DLGAP1: variants seen among roughly 807,000 people sequenced by gnomAD.
DLGAP1 encodes the protein disks large-associated protein 1.
Under a neutral mutation model 90.8 loss-of-function variants are expected in DLGAP1, and 11 were observed. The ratio of observed to expected loss-of-function variants is 0.12; its 90% CI spans 0.08 to 0.20. The LOEUF (loss-of-function observed/expected upper bound fraction) is 0.20. Among genes scored for constraint, DLGAP1 ranks in the 10% least tolerant of loss-of-function variants. The pLI is 1.00. For missense variants in DLGAP1, 1,050 were observed against 1,333.8 expected (o/e 0.79, Z 3.31); for synonymous variants, 558 against 540.7 (o/e 1.03, Z -0.44).
chr18:3,909,425 C>T (rs2071984182), intron 3 of DLGAP1, among the ~76,000 whole-genome samples: 1 of 152,180 alleles, frequency 6.6e-6, no homozygotes, highest in African/African-American at 2.4e-5. Context: ...GAACCATTAA[C>T]TGCAATTTGT....
intron 5 of DLGAP1, among the ~76,000 whole-genome samples, chr18:3,769,795 A>G (rs1329343026): frequency 8.6e-5 from 13 of 151,842 alleles, no homozygotes. Flanking sequence ...ACCAGTGTCA[A>G]TATCCTCTTT....
chr18:3,775,289 C>A lies in DLGAP1; in HGVS notation c.1173-32777G>T, dbSNP rs186060290. ...TATGGTTTGGCTTTGTGTCCCCACA[C>A]AAATCTCATGTCAAATTGTCATCCT... On this transcript the variant is annotated intron_variant, in intron 5 of 12. Coordinates refer to ENST00000315677, the MANE Select transcript of DLGAP1 (RefSeq NM_004746.4). This position sits in a 1 kb window ranked among gnomAD's most constrained non-coding sequence, Gnocchi z 4.9. Among the ~76,000 whole-genome samples, 37 of 152,330 alleles carry A rather than the reference C, an allele frequency of 2.4e-4. 1 individual carries two copies. In the East Asian group the frequency reaches 6.8e-3, roughly 28 times the overall value.
chr18:3,943,323 C>T (rs1344761090), intron 3 of DLGAP1, among the ~76,000 whole-genome samples: 1 of 152,200 alleles, frequency 6.6e-6, no homozygotes, highest in South Asian at 2.1e-4. Context: ...CTTCACAGAT[C>T]GCCAGGCTTT....
At chr18:3,759,635 T>C (rs1043528570) in intron 5 of DLGAP1, among the ~76,000 whole-genome samples, 2 of 152,218 alleles carry the variant, frequency 1.3e-5, no homozygotes, top group African/African-American at 4.8e-5. Context: ...CTGGATGTCA[T>C]GGAGGACATG....
At chr18:3,720,583 G>A (rs2061936863) in intron 7 of DLGAP1, among the ~76,000 whole-genome samples, 1 of 152,160 alleles carries the variant, frequency 6.6e-6, no homozygotes, top group Non-Finnish European at 1.5e-5. Context: ...ACCACCTGGA[G>A]CTGAATAATG....
chr18:4,040,583 A>C (rs1224493998), intron 2 of DLGAP1, among the ~76,000 whole-genome samples: 1 of 152,162 alleles, frequency 6.6e-6, no homozygotes, highest in African/African-American at 2.4e-5. Flanking sequence ...TTTCTTTGCT[A>C]TCTCTTTTTT....
intron 7 of DLGAP1, among the ~76,000 whole-genome samples, chr18:3,602,341 A>T (rs1373808524): frequency 2.6e-5 from 4 of 152,174 alleles, no homozygotes; most frequent in Non-Finnish European, 4.4e-5. Flanking sequence ...CACGCCTGTC[A>T]TCCCAGCAAT....
intron 1 of DLGAP1, among the ~76,000 whole-genome samples, chr18:4,339,820 C>T (rs1490799782): frequency 6.6e-6 from 1 of 152,082 alleles, no homozygotes; most frequent in Non-Finnish European, 1.5e-5. Flanking sequence ...TGAAAAAGCA[C>T]AAATTCTTGC....
intron 3 of DLGAP1, among the ~76,000 whole-genome samples, chr18:3,926,417 T>TAC (rs767794758): frequency 4.1e-5 from 5 of 121,552 alleles, no homozygotes; most frequent in African/African-American, 8.5e-5. Flanking sequence ...TATATATATA[T>TAC]ATATACACAC....
chr18:3,934,876 C>T (rs1342233545), intron 3 of DLGAP1, among the ~76,000 whole-genome samples: 2 of 152,172 alleles, frequency 1.3e-5, no homozygotes, highest in Admixed American at 6.5e-5. Context: ...AAAAGAAGCA[C>T]GAGGCAGTGT....
intron 1 of DLGAP1, among the ~76,000 whole-genome samples, chr18:4,440,957 T>C (rs183573980): frequency 2.2e-4 from 33 of 152,366 alleles, no homozygotes; most frequent in Admixed American, 1.8e-3. Flanking sequence ...AATGTCTACT[T>C]AAATAGACTG....
intron 1 of DLGAP1, among the ~76,000 whole-genome samples, chr18:4,358,329 AT>A (rs2144070732): frequency 1.3e-5 from 2 of 152,342 alleles, no homozygotes; most frequent in South Asian, 4.1e-4. Flanking sequence ...CTGTGGTGAC[AT>A]TTGAGCACAA....
At chr18:3,619,413 C>G (rs1847493610) in intron 7 of DLGAP1, among the ~76,000 whole-genome samples, 1 of 152,194 alleles carries the variant, frequency 6.6e-6, no homozygotes, top group South Asian at 2.1e-4. Context: ...CGCTGCTGAC[C>G]TGCAAGTCTA....
At position 3,642,759 on chromosome 18, in the gene DLGAP1, C is replaced by CTAACATAT. The variant is rs1567885771; in HGVS notation, c.1592-60512_1592-60511insATATGTTA. ...AAATGTTAGCTCTTTGTATCATAAG[C>CTAACATAT]CTTCATATCTTCTTGATAAGATACA... On this transcript the variant is annotated intron_variant, in intron 7 of 12. Transcript: ENST00000315677. Among the ~76,000 whole-genome samples, 46 of 152,142 alleles carry CTAACATAT rather than the reference C, an allele frequency of 3.0e-4. 1 individual carries two copies. Among genetic ancestry groups the CTAACATAT allele is most frequent in the Non-Finnish European group, 6.0e-4 (41 of 68,040 alleles).
At chr18:3,720,178 A>T (rs559861525) in intron 7 of DLGAP1, among the ~76,000 whole-genome samples, 5 of 152,326 alleles carry the variant, frequency 3.3e-5, no homozygotes, top group Non-Finnish European at 7.3e-5. Flanking sequence ...CATATATTAG[A>T]GATAACTTAG....
intron 1 of DLGAP1, among the ~76,000 whole-genome samples, chr18:4,355,499 C>T (rs1464381500): frequency 3.9e-5 from 6 of 152,134 alleles, no homozygotes; most frequent in Non-Finnish European, 5.9e-5. Flanking sequence ...CACATAGTTA[C>T]GGAAGGTTCT....
intron 1 of DLGAP1, among the ~76,000 whole-genome samples, chr18:4,243,848 G>A (rs1454663323): frequency 6.6e-6 from 1 of 152,046 alleles, no homozygotes; most frequent in Non-Finnish European, 1.5e-5. Context: ...GTGGCTGAAA[G>A]GTATACAATG....
At chr18:4,155,325 C>T (rs964165934) in intron 1 of DLGAP1, among the ~76,000 whole-genome samples, 35 of 152,204 alleles carry the variant, frequency 2.3e-4, no homozygotes, top group African/African-American at 6.3e-4. Context: ...GAAAATAAGT[C>T]GCAACAATTT....
chr18:4,107,162 G>A (rs1194639573), intron 2 of DLGAP1, among the ~76,000 whole-genome samples: 1 of 152,202 alleles, frequency 6.6e-6, no homozygotes, highest in African/African-American at 2.4e-5. Context: ...CTTTGCTGAA[G>A]CAAAACACAC....
Sources: allele counts gnomAD v4.1 joint callset (sites outside exome capture counted in the v4.1 genomes callset), GRCh38; gene constraint gnomAD v4.1.1; non-coding constraint Gnocchi (gnomAD v3.1); transcripts MANE v1.5; gene names NCBI Gene and HGNC (gene_info 2026-07-23, HGNC 2026-07-21).